Variants in PRKD1 observed in about 807,000 individuals in gnomAD.
PRKD1 encodes the protein serine/threonine-protein kinase D1.
A neutral mutation model predicts 95.9 loss-of-function variants in PRKD1; 63 were observed. The ratio of observed to expected loss-of-function variants is 0.66; its 90% CI spans 0.54 to 0.81. The LOEUF (loss-of-function observed/expected upper bound fraction) is 0.81, where lower values mean the gene tolerates loss of function less well. PRKD1 is among the 30% of genes least tolerant of loss of function. The probability of loss-of-function intolerance (pLI) is 0.00; values close to 1 mark genes in which losing one functional copy is unlikely to be tolerated. For synonymous variants in PRKD1, 425 were observed against 423.1 expected (o/e 1.00, Z -0.05); for missense variants, 1,048 against 1,165.3 (o/e 0.90, Z 1.47).
intron 11 of PRKD1, 47 bp from the exon 12 acceptor site, chr14:29,626,603 C>T: frequency 2.5e-6 from 3 of 1,222,584 alleles, no homozygotes; most frequent in Non-Finnish European, 2.3e-6. Context: ...CAGAACAAAA[C>T]ATTAGTCCTA....
intron 1 of PRKD1, among the ~76,000 whole-genome samples, chr14:29,859,525 A>G (rs1044061831): frequency 1.6e-4 from 24 of 151,696 alleles, no homozygotes; most frequent in African/African-American, 5.8e-4. Flanking sequence ...GGAGAATGGC[A>G]TGAACCCAGG....
chr14:29,839,065 C>T (rs937793615), intron 1 of PRKD1, among the ~76,000 whole-genome samples: 1 of 151,978 alleles, frequency 6.6e-6, no homozygotes. Context: ...ATAAAGCCCA[C>T]AATGTCAAAC....
rs1423336148 is a variant in PRKD1, at chr14:29,906,357, A to G, written c.264+20892T>C. 6.6e-5 allele frequency among the ~76,000 whole-genome samples: 10 copies of G among 152,056 alleles called. 1 individual carries two copies. The highest frequency in any genetic ancestry group is 1.5e-4 in the Non-Finnish European group (10 of 68,000). On this transcript the variant is annotated intron_variant, in intron 1 of 17. Coordinates refer to ENST00000331968, the MANE Select transcript of PRKD1 (RefSeq NM_002742.3). Reference sequence around the variant, plus strand: ...AGTTCAAGACCAGCCTGGGCAACACAGGGAGACTCCGTCTCTACAGAAAAT... The same window carrying G: ...AGTTCAAGACCAGCCTGGGCAACACGGGGAGACTCCGTCTCTACAGAAAAT...
rs575406102 is a variant in PRKD1, at chr14:29,905,529, T to A, written c.264+21720A>T. On this transcript the variant is annotated intron_variant, in intron 1 of 17. Coordinates refer to ENST00000331968, the MANE Select transcript of PRKD1 (RefSeq NM_002742.3). ...GTGAAAATCCAAGTTGGGATAACCATCTTCTGACCAGCTTCTCAGTTCTTT... is the reference window on the plus strand; with the variant it reads ...GTGAAAATCCAAGTTGGGATAACCAACTTCTGACCAGCTTCTCAGTTCTTT... Among the ~76,000 whole-genome samples, 32 of 152,032 alleles carry A rather than the reference T, an allele frequency of 2.1e-4. No homozygotes were observed. In the South Asian group the frequency reaches 5.0e-3, roughly 24 times the overall value.
chr14:29,842,239 G>C (rs148655740), intron 1 of PRKD1, among the ~76,000 whole-genome samples: 196 of 152,290 alleles, frequency 1.3e-3, no homozygotes, highest in African/African-American at 4.5e-3. Flanking sequence ...ATGATAAAAA[G>C]TATAGTATAG....
At chr14:29,803,080 C>G (rs985868133) in intron 1 of PRKD1, among the ~76,000 whole-genome samples, 3 of 152,162 alleles carry the variant, frequency 2.0e-5, no homozygotes, top group Non-Finnish European at 2.9e-5. Context: ...CTCTATATAT[C>G]CCTCCCAAAT....
chr14:29,824,902 A>G (rs1287267985), intron 1 of PRKD1, among the ~76,000 whole-genome samples: 1 of 152,058 alleles, frequency 6.6e-6, no homozygotes, highest in African/African-American at 2.4e-5. Flanking sequence ...TGATGACACC[A>G]TATTCTTTCA....
Position 29,638,391 on chromosome 14 carries a change from C to G in PRKD1, c.985+98G>C. ...TTACTTTAGACTGTGTCTGAAATAT[C>G]TGAACCAAAACCAAAACCAAAAACC... is the stretch of plus-strand genomic sequence containing the variant. On this transcript the variant is annotated intron_variant, in intron 6 of 17. Coordinates refer to ENST00000331968, the MANE Select transcript of PRKD1 (RefSeq NM_002742.3). The G allele has an allele frequency of 3.1e-6, 4 of 1,293,390 alleles. No homozygotes were observed. In the South Asian group the frequency reaches 3.8e-5, roughly 12 times the overall value. The allele number at this position is 1,293,390 out of a possible 1,614,324, so 80.1% of individuals were successfully genotyped here.
At chr14:29,738,524 G>A (rs1182084126) in intron 1 of PRKD1, among the ~76,000 whole-genome samples, 1 of 152,180 alleles carries the variant, frequency 6.6e-6, no homozygotes, top group Non-Finnish European at 1.5e-5. Flanking sequence ...TCTGATTTGT[G>A]AAGATAAATC....
chr14:29,914,138 G>A (rs1894811941), intron 1 of PRKD1, among the ~76,000 whole-genome samples: 1 of 152,184 alleles, frequency 6.6e-6, no homozygotes, highest in African/African-American at 2.4e-5. Context: ...TTTATATATA[G>A]ACACACTTAC....
chr14:29,789,815 G>C (rs1889452474), intron 1 of PRKD1, among the ~76,000 whole-genome samples: 1 of 152,034 alleles, frequency 6.6e-6, no homozygotes, highest in South Asian at 2.1e-4. Flanking sequence ...CAATTCCCAG[G>C]CACCCAAATG....
intron 1 of PRKD1, among the ~76,000 whole-genome samples, chr14:29,881,578 G>T (rs367990595): frequency 7.3e-5 from 11 of 151,646 alleles, no homozygotes; most frequent in South Asian, 4.2e-4. Context: ...GTTTTGTTTT[G>T]CTTCTGGTTT....
intron 2 of PRKD1, among the ~76,000 whole-genome samples, chr14:29,712,678 T>A (rs1885392421): frequency 6.6e-6 from 1 of 152,190 alleles, no homozygotes; most frequent in Admixed American, 6.5e-5. Flanking sequence ...TTTTTCTATT[T>A]TATTCCTCCA....
At chr14:29,888,004 A>G (rs1893791302) in intron 1 of PRKD1, among the ~76,000 whole-genome samples, 1 of 152,208 alleles carries the variant, frequency 6.6e-6, no homozygotes, top group Admixed American at 6.5e-5. Context: ...GAAGCAATGT[A>G]TAAATGCCAT....
intron 4 of PRKD1, among the ~76,000 whole-genome samples, chr14:29,645,652 G>T (rs999701242): frequency 2.6e-5 from 4 of 152,098 alleles, no homozygotes; most frequent in Admixed American, 2.6e-4. Context: ...GATGCTTCAG[G>T]ACATATAAAT....
intron 1 of PRKD1, among the ~76,000 whole-genome samples, chr14:29,777,326 C>G (rs1888809789): frequency 6.6e-6 from 1 of 151,942 alleles, no homozygotes; most frequent in Non-Finnish European, 1.5e-5. Context: ...GCTAAATAAC[C>G]CAATTAAAAG....
chr14:29,683,513 CAT>C (rs1222410090), intron 2 of PRKD1, among the ~76,000 whole-genome samples: 1 of 152,002 alleles, frequency 6.6e-6, no homozygotes, highest in African/African-American at 2.4e-5. Flanking sequence ...TTCTTAAAGA[CAT>C]GTGTGTGAAA....
At position 29,616,073 on chromosome 14, in the gene PRKD1, C is replaced by T. The variant is rs74917904; in HGVS notation, c.1905+8079G>A. On this transcript the variant is annotated intron_variant, in intron 13 of 17. Coordinates refer to ENST00000331968, the MANE Select transcript of PRKD1 (RefSeq NM_002742.3). ...CTCTCTCAAAATGGATGACCTCGCTCTGGAAATGAGCTTCAAATGTGCGTA... is the reference window on the plus strand; with the variant it reads ...CTCTCTCAAAATGGATGACCTCGCTTTGGAAATGAGCTTCAAATGTGCGTA... Among the ~76,000 whole-genome samples, 800 of 151,888 alleles carry T rather than the reference C, an allele frequency of 5.3e-3. 2 individuals are homozygous for T. The highest frequency in any genetic ancestry group is 0.01 in the African/African-American group (423 of 41,436).
intron 1 of PRKD1, among the ~76,000 whole-genome samples, chr14:29,823,868 A>C (rs992526496): frequency 6.6e-6 from 1 of 152,044 alleles, no homozygotes; most frequent in Non-Finnish European, 1.5e-5. Flanking sequence ...ACAGGAGCTC[A>C]CTCCTAATTG....
Sources: allele counts gnomAD v4.1 joint callset (sites outside exome capture counted in the v4.1 genomes callset), GRCh38; gene constraint gnomAD v4.1.1; transcripts MANE v1.5; gene names NCBI Gene and HGNC (gene_info 2026-07-23, HGNC 2026-07-21).